LY96: variants seen among roughly 807,000 people sequenced by gnomAD.
LY96 encodes myeloid differentiation protein-2.
Under a neutral mutation model 18.9 loss-of-function variants are expected in LY96, and 18 were observed. The observed-to-expected ratio is 0.95, with a 90% confidence interval of 0.66 to 1.41. The LOEUF is 1.41. Among genes scored for constraint, LY96 ranks in the 40% most tolerant of loss-of-function variants. The pLI, the probability that LY96 is intolerant of heterozygous loss-of-function variation, is 0.00. For missense variants in LY96, 175 were observed against 182.4 expected (o/e 0.96, Z 0.23); for synonymous variants, 66 against 62.6 (o/e 1.06, Z -0.26).
At chr8:73,991,624 A>G in intron 1 of LY96, 70 bp downstream of exon 1, 1 of 909,156 alleles carries the variant, frequency 1.1e-6, no homozygotes, top group East Asian at 2.5e-5. Flanking sequence ...CGAGAACCGT[A>G]CACTGTTGTG....
chr8:74,097,074 T>A, the LY96 span, among the ~76,000 whole-genome samples: 1 of 152,206 alleles, frequency 6.6e-6, no homozygotes, highest in Admixed American at 6.5e-5. Flanking sequence ...TAACATTATA[T>A]CATGAGCATT....
the LY96 span, among the ~76,000 whole-genome samples, chr8:74,070,802 C>T: frequency 2.6e-5 from 4 of 151,976 alleles, no homozygotes; most frequent in Admixed American, 6.6e-5. Context: ...AATCAGGACA[C>T]AAGGGGTTTT....
chr8:74,047,396 C>T, the LY96 span, among the ~76,000 whole-genome samples: 4 of 152,208 alleles, frequency 2.6e-5, no homozygotes, highest in African/African-American at 9.7e-5. Flanking sequence ...GTCCCCACAA[C>T]TTATGGGTAG....
chr8:73,996,365 C>CTTCCTTCCTTCA (rs1380590699), intron 1 of LY96, among the ~76,000 whole-genome samples: 2 of 120,046 alleles, frequency 1.7e-5, no homozygotes, highest in African/African-American at 6.9e-5. Context: ...TCCTTCCTTC[C>CTTCCTTCCTTCA]TTCATTCCTT....
At chr8:74,025,565 G>A (rs1036444956) in intron 3 of LY96, among the ~76,000 whole-genome samples, 1 of 149,504 alleles carries the variant, frequency 6.7e-6, no homozygotes, top group Non-Finnish European at 1.5e-5. Flanking sequence ...TGAGGCAGGA[G>A]AATGGCGTGA....
the LY96 span, among the ~76,000 whole-genome samples, chr8:74,042,365 C>T: frequency 1.3e-5 from 2 of 152,056 alleles, no homozygotes; most frequent in African/African-American, 2.4e-5. Flanking sequence ...TCTAAAAATA[C>T]AAAAAATTAG....
chr8:74,064,763 T>C, the LY96 span, among the ~76,000 whole-genome samples: 1,587 of 152,322 alleles, frequency 0.01, 42 homozygotes, highest in African/African-American at 0.037. Flanking sequence ...TGGACTGATA[T>C]AATGTATCAA....
the LY96 span, among the ~76,000 whole-genome samples, chr8:74,086,669 C>G: frequency 2.0e-5 from 3 of 152,190 alleles, no homozygotes; most frequent in African/African-American, 7.2e-5. Flanking sequence ...GTTAATCCTC[C>G]CCTACCCTAC....
At chr8:74,081,014 C>CTTTCTTTCTT in the LY96 span, among the ~76,000 whole-genome samples, 2 of 131,776 alleles carry the variant, frequency 1.5e-5, no homozygotes, top group African/African-American at 3.6e-5. Flanking sequence ...TTCTTTCTTT[C>CTTTCTTTCTT]TTTCTTTCTT....
the LY96 span, among the ~76,000 whole-genome samples, chr8:74,059,106 A>G: frequency 6.6e-6 from 1 of 152,190 alleles, no homozygotes; most frequent in African/African-American, 2.4e-5. Flanking sequence ...CACCAATTCG[A>G]GTACTAACCT....
chr8:74,070,746 A>AAAT, the LY96 span, among the ~76,000 whole-genome samples: 302 of 152,232 alleles, frequency 2.0e-3, 1 homozygote, highest in African/African-American at 6.8e-3. Flanking sequence ...TTAAAAAAAA[A>AAAT]TTAATTATTA....
chr8:74,041,653 C>G, the LY96 span, among the ~76,000 whole-genome samples: 12 of 152,124 alleles, frequency 7.9e-5, no homozygotes, highest in African/African-American at 2.9e-4. Context: ...GAGATGAGGA[C>G]TGAAATACAC....
intron 3 of LY96, among the ~76,000 whole-genome samples, chr8:74,017,091 T>G (rs117289402): frequency 0.017 from 2,541 of 152,198 alleles, 24 homozygotes; most frequent in Non-Finnish European, 0.024. Context: ...AGGTCAGTAA[T>G]AACAAACTTC....
chr8:74,090,899 T>C, the LY96 span, among the ~76,000 whole-genome samples: 1 of 152,338 alleles, frequency 6.6e-6, no homozygotes, highest in East Asian at 1.9e-4. Flanking sequence ...TGCATCTCAA[T>C]ATTAGAAACA....
intron 1 of LY96, 83 bp from the exon 2 acceptor site, chr8:74,004,713 T>A (rs1816372621): frequency 1.6e-6 from 2 of 1,261,532 alleles, no homozygotes; most frequent in Admixed American, 2.2e-5. Flanking sequence ...GCAAGATTCA[T>A]CTTAAAAGGC....
chr8:74,065,037 C>T, the LY96 span, among the ~76,000 whole-genome samples: 1 of 152,130 alleles, frequency 6.6e-6, no homozygotes, highest in East Asian at 1.9e-4. Flanking sequence ...CCAAGCGAAA[C>T]CTGAAAAACT....
At chr8:73,996,607 C>G (rs778207754) in intron 1 of LY96, among the ~76,000 whole-genome samples, 1 of 151,614 alleles carries the variant, frequency 6.6e-6, no homozygotes, top group Admixed American at 6.6e-5. Context: ...TTAGTAGAGA[C>G]GGGGTTTCAC....
intron 2 of LY96, among the ~76,000 whole-genome samples, chr8:74,009,292 G>A (rs1445597535): frequency 1.3e-5 from 2 of 150,000 alleles, no homozygotes; most frequent in South Asian, 2.1e-4. Flanking sequence ...CTACTCCAGC[G>A]GCTGAGGCAG....
At chr8:74,079,953 T>A in the LY96 span, among the ~76,000 whole-genome samples, 1 of 152,110 alleles carries the variant, frequency 6.6e-6, no homozygotes, top group Non-Finnish European at 1.5e-5. Flanking sequence ...CTTTTCTACA[T>A]CCAGGCTGTG....
Sources: gnomAD v4.1 joint callset for allele counts (sites outside exome capture counted in the v4.1 genomes callset) on GRCh38, gnomAD v4.1.1 for gene constraint, MANE v1.5 for transcripts, NCBI Gene and HGNC (gene_info 2026-07-23, HGNC 2026-07-21) for gene names.